Variants in EPS8 observed in about 807,000 individuals in gnomAD.
EPS8 encodes epidermal growth factor receptor kinase substrate 8.
In EPS8, 42 loss-of-function variants were observed where a neutral mutation model predicts 103.8. That is an observed-to-expected ratio of 0.40 (90% CI 0.32 to 0.52). EPS8 has a LOEUF of 0.52. Among genes scored for constraint, EPS8 ranks in the 20% least tolerant of loss-of-function variants. The pLI, the probability that EPS8 is intolerant of heterozygous loss-of-function variation, is 0.40. For synonymous variants in EPS8, 344 were observed against 344.6 expected (o/e 1.00, Z 0.02); for missense variants, 969 against 1,005.1 (o/e 0.96, Z 0.49).
chr12:15,640,946 T>A, intron 16 of EPS8, 100 bp from the exon 17 acceptor site: 1 of 962,706 alleles, frequency 1.0e-6, no homozygotes, highest in Non-Finnish European at 1.6e-6. Flanking sequence ...CTACTTCTGA[T>A]AATTAACTCA....
chr12:15,624,027 G>A (rs1944903243), intron 19 of EPS8, among the ~76,000 whole-genome samples, 200 bp downstream of exon 19: 1 of 152,194 alleles, frequency 6.6e-6, no homozygotes, highest in South Asian at 2.1e-4. Context: ...CGAAAATGGG[G>A]TGGCATCAGA....
At chr12:15,663,953 A>AATAATT in intron 8 of EPS8, among the ~76,000 whole-genome samples, 1 of 27,348 alleles carries the variant, frequency 3.7e-5, no homozygotes, top group Non-Finnish European at 6.4e-5. Context: ...AAAATAATAT[A>AATAATT]TATATATATA....
chr12:15,723,902 C>A (rs1946625189), intron 1 of EPS8, among the ~76,000 whole-genome samples: 1 of 152,098 alleles, frequency 6.6e-6, no homozygotes, highest in Non-Finnish European at 1.5e-5. Context: ...ACTGTAAATA[C>A]AGAATTAAAT....
At chr12:15,664,548 C>G (rs900810343) in intron 8 of EPS8, among the ~76,000 whole-genome samples, 1 of 152,086 alleles carries the variant, frequency 6.6e-6, no homozygotes, top group Non-Finnish European at 1.5e-5. Flanking sequence ...GAGATGAGAC[C>G]GAAGTACAGA....
intron 12 of EPS8, among the ~76,000 whole-genome samples, chr12:15,657,022 C>T (rs1945519012): frequency 6.6e-6 from 1 of 152,138 alleles, no homozygotes; most frequent in East Asian, 1.9e-4. Flanking sequence ...AATTTCTAAA[C>T]ATTATAGCCA....
intron 1 of EPS8, among the ~76,000 whole-genome samples, chr12:15,743,038 T>G (rs139315481): frequency 0.02 from 3,092 of 152,312 alleles, 106 homozygotes; most frequent in African/African-American, 0.07. Flanking sequence ...AAAATCTCCT[T>G]AAGCTGATAA....
At chr12:15,705,099 A>G (rs896442557) in intron 1 of EPS8, among the ~76,000 whole-genome samples, 1 of 152,354 alleles carries the variant, frequency 6.6e-6, no homozygotes, top group South Asian at 2.1e-4. Flanking sequence ...AGGAAAAAAA[A>G]GCTCGCTGGT....
Position 15,761,681 on chromosome 12 carries a change from G to C in EPS8, c.-22+27480C>G, listed in dbSNP as rs986284732. The stretch of plus-strand genomic sequence containing the variant: ...ACAAAGGTGCCAAGAACATACACTG[G>C]GGAAAAGACAGACTCTTCAATAAAT... On this transcript the variant is annotated intron_variant, in intron 1 of 20. Coordinates refer to ENST00000281172, the MANE Select transcript of EPS8 (RefSeq NM_004447.6). This position sits in a 1 kb window ranked among gnomAD's most constrained non-coding sequence, Gnocchi z 4.5. Among the ~76,000 whole-genome samples, 2 of 151,976 alleles carry C rather than the reference G, an allele frequency of 1.3e-5. No individual in the cohort carries two copies. Among genetic ancestry groups the C allele is most frequent in the Admixed American group, 6.6e-5 (1 of 15,238 alleles).
chr12:15,692,204 G>A (rs1328673756), intron 1 of EPS8, among the ~76,000 whole-genome samples: 1 of 152,016 alleles, frequency 6.6e-6, no homozygotes, highest in Non-Finnish European at 1.5e-5. Flanking sequence ...TCCTAAGAAA[G>A]AGCATTAGAA....
intron 15 of EPS8, among the ~76,000 whole-genome samples, chr12:15,643,341 A>G (rs928716174): frequency 2.0e-5 from 3 of 152,168 alleles, no homozygotes; most frequent in Non-Finnish European, 4.4e-5. Flanking sequence ...AGAATTTACA[A>G]ATCTTTATGG....
rs1946754763 is a variant in EPS8, at chr12:15,735,018, C to T, written c.-21-52046G>A. Among the ~76,000 whole-genome samples the T allele has an allele frequency of 6.6e-6, 1 of 152,002 alleles. No homozygotes were observed. The highest frequency in any genetic ancestry group is 2.4e-5 in the African/African-American group (1 of 41,280). On this transcript the variant is annotated intron_variant, in intron 1 of 20. Transcript: ENST00000281172. This position sits in a 1 kb window ranked among gnomAD's most constrained non-coding sequence, Gnocchi z 4.4. ...ACAGCCCAGGTATTGACAGGGAGCTCCGAATGCCTAGCCTGGAACCCTCAC... is the reference window on the plus strand; with the variant it reads ...ACAGCCCAGGTATTGACAGGGAGCTTCGAATGCCTAGCCTGGAACCCTCAC...
At chr12:15,633,291 C>T (rs1945080763) in intron 17 of EPS8, among the ~76,000 whole-genome samples, 1 of 152,178 alleles carries the variant, frequency 6.6e-6, no homozygotes, top group African/African-American at 2.4e-5. Flanking sequence ...TAATACTTAG[C>T]ACACACCAAA....
chr12:15,714,578 C>T lies in EPS8; in HGVS notation c.-21-31606G>A, dbSNP rs1946507902. Among the ~76,000 whole-genome samples, 1 of 152,118 alleles carries T rather than the reference C, an allele frequency of 6.6e-6. No individual in the cohort carries two copies. Among genetic ancestry groups the T allele is most frequent in the African/African-American group, 2.4e-5 (1 of 41,426 alleles). ...AACTGCTTGAGCCCAGGAGTTTGAG[C>T]CCAGGAGTGAGCTATGATCACGCCA... On this transcript the variant is annotated intron_variant, in intron 1 of 20. Coordinates refer to ENST00000281172, the MANE Select transcript of EPS8 (RefSeq NM_004447.6). This position sits in a 1 kb window ranked among gnomAD's most constrained non-coding sequence, Gnocchi z 4.1.
chr12:15,706,408 C>T lies in EPS8; in HGVS notation c.-21-23436G>A. On this transcript the variant is annotated intron_variant, in intron 1 of 20. Coordinates refer to ENST00000281172, the MANE Select transcript of EPS8 (RefSeq NM_004447.6). This position sits in a 1 kb window ranked among gnomAD's most constrained non-coding sequence, Gnocchi z 5.2. Reference sequence around the variant, plus strand: ...AGAATAATTATCTTTTATATCTTTGCCTATCTAAATCTTGTATCTCAGCTT... The same window carrying T: ...AGAATAATTATCTTTTATATCTTTGTCTATCTAAATCTTGTATCTCAGCTT... Among the ~76,000 whole-genome samples, 1 of 152,060 alleles carries T rather than the reference C, an allele frequency of 6.6e-6. No individual in the cohort carries two copies. Among genetic ancestry groups the T allele is most frequent in the Non-Finnish European group, 1.5e-5 (1 of 68,022 alleles).
In EPS8 at chr12:15,716,113, T is replaced by G. The variant is rs760993472; in HGVS notation, c.-21-33141A>C. Among the ~76,000 whole-genome samples the G allele has an allele frequency of 2.0e-5, 3 of 152,132 alleles. No homozygotes were observed. The highest frequency in any genetic ancestry group is 4.4e-5 in the Non-Finnish European group (3 of 68,030). ...CCAACATTTCAAAGTATCACTAAAC[T>G]TGAGAGCTGAAAGAAATCTGAGAGA... On this transcript the variant is annotated intron_variant, in intron 1 of 20. Coordinates refer to ENST00000281172, the MANE Select transcript of EPS8 (RefSeq NM_004447.6). This position sits in a 1 kb window ranked among gnomAD's most constrained non-coding sequence, Gnocchi z 5.0.
At chr12:15,708,640 C>A (rs912151251) in intron 1 of EPS8, among the ~76,000 whole-genome samples, 1 of 152,194 alleles carries the variant, frequency 6.6e-6, no homozygotes, top group Non-Finnish European at 1.5e-5. Context: ...TACTATTTCT[C>A]AGGTGAAATC....
In EPS8 at chr12:15,693,412, A is replaced by T. The variant is rs1391800261; in HGVS notation, c.-21-10440T>A. Among the ~76,000 whole-genome samples, 1 of 152,190 alleles carries T rather than the reference A, an allele frequency of 6.6e-6. No homozygotes were observed. The highest frequency in any genetic ancestry group is 2.4e-5 in the African/African-American group (1 of 41,444). ...CTACTGGTTTTACTGGAGTGTGAGGAGGCATCTGGGATCCAAGTTCACTTT... is the reference window on the plus strand; with the variant it reads ...CTACTGGTTTTACTGGAGTGTGAGGTGGCATCTGGGATCCAAGTTCACTTT... On this transcript the variant is annotated intron_variant, in intron 1 of 20. Coordinates refer to ENST00000281172, the MANE Select transcript of EPS8 (RefSeq NM_004447.6). The surrounding 1 kb of genome is among the most constrained non-coding windows in gnomAD (Gnocchi z 5.6).
chr12:15,651,694 T>C (rs1244364961), intron 13 of EPS8, among the ~76,000 whole-genome samples: 1 of 152,188 alleles, frequency 6.6e-6, no homozygotes, highest in Non-Finnish European at 1.5e-5. Flanking sequence ...AAACGAGGGC[T>C]TCATTTTTGC....
intron 1 of EPS8, among the ~76,000 whole-genome samples, chr12:15,726,757 C>T (rs1946657938): frequency 1.3e-5 from 2 of 152,024 alleles, no homozygotes; most frequent in Admixed American, 1.3e-4. Flanking sequence ...TGCTTTGCCT[C>T]CTGAAAGAAT....
Sources: gnomAD v4.1 joint callset for allele counts (sites outside exome capture counted in the v4.1 genomes callset) on GRCh38, gnomAD v4.1.1 for gene constraint, Gnocchi (gnomAD v3.1) non-coding constraint, MANE v1.5 for transcripts, NCBI Gene and HGNC (gene_info 2026-07-23, HGNC 2026-07-21) for gene names.